Variants in IGF1R observed in about 807,000 individuals in gnomAD.
The protein encoded by IGF1R is insulin-like growth factor 1 receptor.
A neutral mutation model predicts 144.6 loss-of-function variants in IGF1R; 44 were observed. The observed-to-expected ratio is 0.30, with a 90% confidence interval of 0.24 to 0.39. The LOEUF (loss-of-function observed/expected upper bound fraction) is 0.39. Among genes scored for constraint, IGF1R ranks in the 10% least tolerant of loss-of-function variants. The probability of loss-of-function intolerance (pLI) is 1.00; values close to 1 mark genes in which losing one functional copy is unlikely to be tolerated. For missense variants in IGF1R, 1,355 were observed against 1,833.7 expected (o/e 0.74, Z 4.77); for synonymous variants, 795 against 722.8 (o/e 1.10, Z -1.60).
chr15:98,866,622 T>C (rs1303981872), intron 2 of IGF1R, among the ~76,000 whole-genome samples: 1 of 152,206 alleles, frequency 6.6e-6, no homozygotes, highest in Admixed American at 6.5e-5. Context: ...CGTCCTTGCA[T>C]CAGCTCCAGA....
chr15:98,731,956 C>G lies in IGF1R; in HGVS notation c.640+23849C>G, dbSNP rs138279828. Among the ~76,000 whole-genome samples the G allele has an allele frequency of 9.5e-4, 144 of 152,290 alleles. 1 individual carries two copies. Among genetic ancestry groups the G allele is most frequent in the African/African-American group, 3.4e-3 (142 of 41,552 alleles). On this transcript the variant is annotated intron_variant, in intron 2 of 20. Coordinates refer to ENST00000650285, the MANE Select transcript of IGF1R (RefSeq NM_000875.5). ...GTAGCTTGAGACCAGTTGGATTCCT[C>G]TCAGAGAGACAGTCTTCACCCCCAA... is the stretch of plus-strand genomic sequence containing the variant.
chr15:98,964,237 GTAA>G lies in IGF1R; in HGVS notation c.*6799_*6801del, dbSNP rs1596504349. On this transcript the variant is annotated 3_prime_UTR_variant, in exon 21 of 21. Coordinates refer to ENST00000650285, the MANE Select transcript of IGF1R (RefSeq NM_000875.5). ...ATTTTTTTAAGTAAGAAAAAAAAAG[GTAA>G]TAACATGGCCAATTTGTTACATAAA... 1 of 232,182 alleles carries G rather than the reference GTAA, an allele frequency of 4.3e-6. No individual in the cohort carries two copies. Among genetic ancestry groups the G allele is most frequent in the Non-Finnish European group, 8.5e-6 (1 of 117,378 alleles). The allele number at this position is 232,182 out of a possible 1,614,324, so 14.4% of individuals were successfully genotyped here. A position where few individuals can be genotyped will look rare whatever the true frequency, so the allele number is the denominator to read the frequency against.
At chr15:98,714,515 A>C (rs1481129174) in intron 2 of IGF1R, among the ~76,000 whole-genome samples, 1 of 152,122 alleles carries the variant, frequency 6.6e-6, no homozygotes, top group East Asian at 1.9e-4. Flanking sequence ...TTGTGGAGGC[A>C]CGTGCCTATA....
At chr15:98,872,293 C>T (rs1293640088) in intron 2 of IGF1R, among the ~76,000 whole-genome samples, 1 of 152,130 alleles carries the variant, frequency 6.6e-6, no homozygotes, top group Non-Finnish European at 1.5e-5. Context: ...ACATAGCCCT[C>T]CCCTGGAAAT....
intron 2 of IGF1R, among the ~76,000 whole-genome samples, chr15:98,818,217 G>C (rs1260020022): frequency 6.6e-6 from 1 of 152,210 alleles, no homozygotes; most frequent in Non-Finnish European, 1.5e-5. Flanking sequence ...GTGGAGGTGG[G>C]AGGTGGCCGG....
At chr15:98,922,016 A>G (rs1351671606) in intron 10 of IGF1R, 132 bp from the exon 11 acceptor site, 1 of 876,502 alleles carries the variant, frequency 1.1e-6, no homozygotes, top group East Asian at 2.5e-5. Context: ...GTTATTCATG[A>G]GTTCTTACCT....
intron 2 of IGF1R, among the ~76,000 whole-genome samples, chr15:98,833,810 G>T (rs1161021955): frequency 6.6e-6 from 1 of 152,148 alleles, no homozygotes; most frequent in Non-Finnish European, 1.5e-5. Flanking sequence ...TTATTAAAAA[G>T]TAATTTGGAG....
intron 5 of IGF1R, chr15:98,900,494 T>G (rs2014427173): frequency 6.6e-6 from 1 of 152,274 alleles, no homozygotes; most frequent in East Asian, 1.9e-4. Flanking sequence ...CTGGATAAAG[T>G]TACTGCATAA....
intron 18 of IGF1R, 58 bp from the exon 19 acceptor site, chr15:98,942,865 T>C: frequency 6.2e-7 from 1 of 1,611,380 alleles, no homozygotes; most frequent in Non-Finnish European, 8.5e-7. Flanking sequence ...GGTCCTCTGC[T>C]GTGACAGCAG....
At chr15:98,764,765 TG>T (rs2055394096) in intron 2 of IGF1R, among the ~76,000 whole-genome samples, 1 of 152,208 alleles carries the variant, frequency 6.6e-6, no homozygotes, top group Non-Finnish European at 1.5e-5. Flanking sequence ...ACTTCCTCTT[TG>T]GTATATATGG....
intron 20 of IGF1R, among the ~76,000 whole-genome samples, chr15:98,951,946 T>C (rs1273019140): frequency 6.6e-6 from 1 of 152,258 alleles, no homozygotes; most frequent in African/African-American, 2.4e-5. Flanking sequence ...TTTTTAATAC[T>C]GGAATTTGAA....
At chr15:98,664,311 A>G (rs944831726) in intron 1 of IGF1R, among the ~76,000 whole-genome samples, 1 of 152,130 alleles carries the variant, frequency 6.6e-6, no homozygotes, top group Non-Finnish European at 1.5e-5. Context: ...GATGCATTGT[A>G]CCGGGGCACG....
chr15:98,819,798 A>G (rs1415727513), intron 2 of IGF1R, among the ~76,000 whole-genome samples: 3 of 152,214 alleles, frequency 2.0e-5, no homozygotes, highest in Admixed American at 6.5e-5. Context: ...GATAAAAACT[A>G]TATCCCACCC....
chr15:98,731,729 T>A (rs1323658044), intron 2 of IGF1R, among the ~76,000 whole-genome samples: 2 of 152,184 alleles, frequency 1.3e-5, no homozygotes, highest in Non-Finnish European at 2.9e-5. Context: ...TTAAAAGCTG[T>A]GTTAGCTCTT....
At chr15:98,774,038 G>C (rs1369295399) in intron 2 of IGF1R, among the ~76,000 whole-genome samples, 1 of 152,090 alleles carries the variant, frequency 6.6e-6, no homozygotes, top group Admixed American at 6.5e-5. Flanking sequence ...TTATCTCTTT[G>C]GGATTGGTTT....
chr15:98,851,734 A>G (rs1567161420), intron 2 of IGF1R, among the ~76,000 whole-genome samples: 1 of 152,198 alleles, frequency 6.6e-6, no homozygotes, highest in South Asian at 2.1e-4. Context: ...ACCAACCAGA[A>G]GGGGACTTAG....
Position 98,964,203 on chromosome 15 carries a change from TAAAAA to T in IGF1R, c.*6766_*6770del, listed in dbSNP as rs967881948. 1.9e-4 allele frequency: 44 copies of T among 231,594 alleles called. No individual in the cohort carries two copies. Among genetic ancestry groups the T allele is most frequent in the African/African-American group, 8.6e-4 (39 of 45,162 alleles). The allele number at this position is 231,594 out of a possible 1,614,324, so 14.3% of individuals were successfully genotyped here. ...TAATGCATTTTCTGAGTTTTCTTGT[TAAAAA>T]AAAATTTTTTTAAGTAAGAAAAAAA... On this transcript the variant is annotated 3_prime_UTR_variant, in exon 21 of 21. Transcript: ENST00000650285.
rs778188181 is a variant in IGF1R, at chr15:98,948,737, T to C, written c.3722+29T>C. 4.3e-6 allele frequency: 7 copies of C among 1,612,798 alleles called. No individual in the cohort carries two copies. In the South Asian group the frequency reaches 7.7e-5, roughly 18 times the overall value. On this transcript the variant is annotated intron_variant, in intron 20 of 20. Transcript: ENST00000650285. ...CGTACTTCCTGGGCCCTCCGTGCTCTTCTGAGTTCTCTTCTCAAATACCTG... is the reference window on the plus strand; with the variant it reads ...CGTACTTCCTGGGCCCTCCGTGCTCCTCTGAGTTCTCTTCTCAAATACCTG...
chr15:98,928,561 A>G (rs547612988), intron 13 of IGF1R, among the ~76,000 whole-genome samples: 1 of 152,268 alleles, frequency 6.6e-6, no homozygotes, highest in East Asian at 1.9e-4. Flanking sequence ...ACTTCTCTCC[A>G]GTATCATCAT....
Sources: allele counts gnomAD v4.1 joint callset (sites outside exome capture counted in the v4.1 genomes callset), GRCh38; gene constraint gnomAD v4.1.1; transcripts MANE v1.5; gene names NCBI Gene and HGNC (gene_info 2026-07-23, HGNC 2026-07-21).